Variants in RYR2 observed in about 807,000 individuals in gnomAD.
The protein encoded by RYR2 is cardiac muscle ryanodine receptor-calcium release channel.
A neutral mutation model predicts 601.1 loss-of-function variants in RYR2; 227 were observed. The observed-to-expected ratio is 0.38, with a 90% CI of 0.34 to 0.42. The LOEUF is 0.42. Ranked by LOEUF, RYR2 falls within the 10% of genes least tolerant of loss-of-function variation. The pLI, the probability that RYR2 is intolerant of heterozygous loss-of-function variation, is 1.00. For synonymous variants in RYR2, 2,223 were observed against 2,175.1 expected, an observed-to-expected ratio of 1.02 and a Z score of -0.61; for missense variants, 4,646 against 6,156.5, an observed-to-expected ratio of 0.75 and a Z score of 8.21.
intron 20 of RYR2, among the ~76,000 whole-genome samples, chr1:237,499,907 G>A (rs1488920732): frequency 6.6e-6 from 1 of 152,134 alleles, no homozygotes; most frequent in Non-Finnish European, 1.5e-5. Flanking sequence ...CTCTCGGGAC[G>A]AATTAGCAAA....
chr1:237,410,853 G>A (rs897380322), intron 10 of RYR2, among the ~76,000 whole-genome samples: 1 of 152,144 alleles, frequency 6.6e-6, no homozygotes, highest in Admixed American at 6.5e-5. Context: ...AAGAGAGAAG[G>A]TAGGAAAAGA....
intron 16 of RYR2, among the ~76,000 whole-genome samples, chr1:237,467,899 C>T (rs1306825157): frequency 4.2e-5 from 6 of 144,360 alleles, no homozygotes; most frequent in African/African-American, 1.3e-4. Context: ...CACACTGTCT[C>T]TCAGACTGGA....
At chr1:237,151,971 C>T (rs757728737) in intron 1 of RYR2, among the ~76,000 whole-genome samples, 3 of 152,114 alleles carry the variant, frequency 2.0e-5, no homozygotes, top group Non-Finnish European at 2.9e-5. Context: ...TTAAGACCCA[C>T]ATGCATTAGC....
chr1:237,243,406 A>AT (rs1686429019), intron 1 of RYR2, among the ~76,000 whole-genome samples: 1 of 152,036 alleles, frequency 6.6e-6, no homozygotes, highest in African/African-American at 2.4e-5. Flanking sequence ...GAAAACACTT[A>AT]TTTACATTTA....
chr1:237,784,669 C>T lies in RYR2; in HGVS notation c.12957C>T (p.Val4319=), dbSNP rs727504438. The part of the protein sequence containing the change: ...ICSLLLGGSL[V]EGAKKIKVAE... Reference sequence around the variant, plus strand: ...GCCTGCTGCTTGGGGGAAGCCTCGTCGAAGGTGCTAAAAAGATCAAAGTTG... The same window carrying T: ...GCCTGCTGCTTGGGGGAAGCCTCGTTGAAGGTGCTAAAAAGATCAAAGTTG... Residue 4319 remains valine, a synonymous_variant, in exon 90 of 105, where the codon GTC becomes GTT. Coordinates refer to ENST00000366574, the MANE Select transcript of RYR2 (RefSeq NM_001035.3). The surrounding 1 kb of genome is among the most constrained non-coding windows in gnomAD (Gnocchi z 7.1). 6.9e-5 allele frequency: 111 copies of T among 1,612,722 alleles called. No homozygotes were observed. Among genetic ancestry groups the T allele is most frequent in the Non-Finnish European group, 9.0e-5 (106 of 1,179,402 alleles).
chr1:237,636,084 G>T (rs1403003159), intron 44 of RYR2, among the ~76,000 whole-genome samples: 2 of 151,888 alleles, frequency 1.3e-5, no homozygotes, highest in African/African-American at 4.8e-5. Context: ...TATTGGAAAT[G>T]TAAATATTTG....
intron 2 of RYR2, among the ~76,000 whole-genome samples, chr1:237,305,699 T>A (rs1280170720): frequency 6.6e-6 from 1 of 152,190 alleles, no homozygotes; most frequent in Non-Finnish European, 1.5e-5. Context: ...CCCAGAATGC[T>A]GGCATTACAG....
At chr1:237,094,765 G>A (rs999058497) in intron 1 of RYR2, among the ~76,000 whole-genome samples, 8 of 152,196 alleles carry the variant, frequency 5.3e-5, no homozygotes, top group African/African-American at 1.7e-4. Context: ...CCAATTTTTT[G>A]TATTTTCGGT....
rs368158327 is a variant in RYR2, at chr1:237,083,165, TAGG to T, written c.48+40602_48+40604del. 2.6e-3 allele frequency among the ~76,000 whole-genome samples: 389 copies of T among 152,170 alleles called. 1 individual carries two copies. Among genetic ancestry groups the T allele is most frequent in the African/African-American group, 9.1e-3 (376 of 41,502 alleles). On this transcript the variant is annotated intron_variant, in intron 1 of 104. Transcript: ENST00000366574. Reference sequence around the variant, plus strand: ...ATTCATTTATTTGAAGACTAGGGAGTAGGAGGAGAAAACCCTCTAAGTGTTCTC... The same window carrying T: ...ATTCATTTATTTGAAGACTAGGGAGTAGGAGAAAACCCTCTAAGTGTTCTC...
At chr1:237,337,251 CAA>C (rs1402777135) in intron 3 of RYR2, among the ~76,000 whole-genome samples, 77 of 65,408 alleles carry the variant, frequency 1.2e-3, no homozygotes, top group African/African-American at 1.9e-3. Flanking sequence ...GTATCCATCT[CAA>C]AAAAAAAAAA....
chr1:237,501,801 T>G (rs1372049554), intron 21 of RYR2, among the ~76,000 whole-genome samples: 1 of 152,226 alleles, frequency 6.6e-6, no homozygotes, highest in Non-Finnish European at 1.5e-5. Flanking sequence ...CTCACTTTTC[T>G]TTGCTTTTCT....
At chr1:237,357,813 C>CT (rs1192869479) in intron 4 of RYR2, among the ~76,000 whole-genome samples, 1 of 152,062 alleles carries the variant, frequency 6.6e-6, no homozygotes, top group African/African-American at 2.4e-5. Flanking sequence ...TGCTTTACTC[C>CT]TTTTTTCTTA....
chr1:237,662,170 T>C (rs1003812548), intron 56 of RYR2, among the ~76,000 whole-genome samples: 1 of 152,060 alleles, frequency 6.6e-6, no homozygotes, highest in African/African-American at 2.4e-5. Context: ...ATAAATTGAG[T>C]TCTGATTTGG....
At chr1:237,744,720 A>T (rs72751300) in intron 80 of RYR2, among the ~76,000 whole-genome samples, 2,503 of 33,290 alleles carry the variant, frequency 0.075, 58 homozygotes, top group African/African-American at 0.13. Context: ...TTCTTTTTTT[A>T]AAAAAAAAAA....
intron 1 of RYR2, among the ~76,000 whole-genome samples, chr1:237,157,295 CAAAAAAAAAAA>C (rs33922740): frequency 4.7e-5 from 3 of 63,510 alleles, no homozygotes; most frequent in African/African-American, 1.9e-4. Context: ...GACTCCATCT[CAAAAAAAAAAA>C]AAAAAAAAAA....
chr1:237,547,932 C>A (rs767298897), intron 25 of RYR2, among the ~76,000 whole-genome samples: 12 of 151,962 alleles, frequency 7.9e-5, no homozygotes, highest in African/African-American at 1.4e-4. Flanking sequence ...CTAGGAATGA[C>A]AGTAAGGAAA....
intron 1 of RYR2, among the ~76,000 whole-genome samples, chr1:237,127,360 G>C (rs1671560708): frequency 6.6e-6 from 1 of 151,600 alleles, no homozygotes; most frequent in Non-Finnish European, 1.5e-5. Context: ...AGTAGGGGCG[G>C]CTGGGCAGAG....
chr1:237,047,761 T>G (rs2148114422), intron 1 of RYR2, among the ~76,000 whole-genome samples: 1 of 152,316 alleles, frequency 6.6e-6, no homozygotes, highest in Admixed American at 6.5e-5. Context: ...TTTCTGATCA[T>G]GCTTTTTCCA....
At chr1:237,555,203 A>G (rs1203429430) in intron 27 of RYR2, 1 of 152,158 alleles carries the variant, frequency 6.6e-6, no homozygotes, top group Non-Finnish European at 1.5e-5. Context: ...CAGGCATACA[A>G]ATATTCACTA....
Sources: allele counts gnomAD v4.1 joint callset (sites outside exome capture counted in the v4.1 genomes callset), GRCh38; gene constraint gnomAD v4.1.1; non-coding constraint Gnocchi (gnomAD v3.1); transcripts MANE v1.5; gene names NCBI Gene and HGNC (gene_info 2026-07-23, HGNC 2026-07-21).